S1PR3: variants seen among roughly 807,000 people sequenced by gnomAD.
S1PR3 encodes sphingosine-1-phosphate receptor 3, also known as sphingosine 1-phosphate receptor 3.
In S1PR3, 12 loss-of-function variants were observed where a neutral mutation model predicts 13.3. The observed-to-expected ratio is 0.90, with a 90% CI of 0.58 to 1.46. The LOEUF (loss-of-function observed/expected upper bound fraction) is 1.46. Ranked by LOEUF, S1PR3 falls within the 40% of genes most tolerant of loss-of-function variation. S1PR3 has a pLI of 0.00. For synonymous variants in S1PR3, 232 were observed against 214.0 expected, an observed-to-expected ratio of 1.08 and a Z score of -0.73; for missense variants, 450 against 501.9, an observed-to-expected ratio of 0.90 and a Z score of 0.99.
chr9:89,003,855 C>T lies in S1PR3; in HGVS notation c.*1518C>T, dbSNP rs1010130878. 6.0e-6 allele frequency: 1 copy of T among 166,768 alleles called. No homozygotes were observed. The highest frequency in any genetic ancestry group is 1.5e-5 in the Non-Finnish European group (1 of 68,114). The allele number at this position is 166,768 out of a possible 1,614,324, so 10.3% of individuals were successfully genotyped here. ...TAAGAGAAATTGATTCCTGTTTTGT[C>T]ATCTGATGCAATTTGCTCTTATAAA... On this transcript the variant is annotated 3_prime_UTR_variant, in exon 2 of 2. Transcript: ENST00000358157.
rs572619668 is a variant in S1PR3, at chr9:88,992,045, T to C, written c.-148+350T>C. The C allele has an allele frequency of 4.8e-5, 77 of 1,603,656 alleles. No individual in the cohort carries two copies. The African/African-American group carries it at 9.5e-4, about 20-fold the overall frequency. ...GGATGCTGGACGTGGGAGAGGGTTG[T>C]GGTCGTTAGCCTGGGAAAATCATTC... On this transcript the variant is annotated intron_variant, in intron 1 of 1. Transcript: ENST00000358157.
intron 1 of S1PR3, chr9:88,992,467 G>A: frequency 6.2e-6 from 1 of 160,440 alleles, no homozygotes; most frequent in Non-Finnish European, 1.3e-5. Context: ...CTCTTTAGAA[G>A]GTTACTTTTA....
intron 1 of S1PR3, chr9:88,993,134 C>CA (rs11398943): frequency 0.47 from 71,200 of 152,378 alleles, 17,149 homozygotes; most frequent in African/African-American, 0.59. Context: ...CTACCATATA[C>CA]AAAGGGTAGA....
chr9:89,002,118 G>A lies in S1PR3; in HGVS notation c.918G>A (p.Arg306=), dbSNP rs984389332. Residue 306 remains arginine, a synonymous_variant, in exon 2 of 2, where the codon CGG becomes CGA. Coordinates refer to ENST00000358157, the MANE Select transcript of S1PR3 (RefSeq NM_005226.4). The part of the protein sequence containing the change: ...VIYTLASKEM[R]RAFFRLVCNC... ...ACACGCTGGCCAGCAAGGAGATGCG[G>A]CGGGCCTTCTTCCGTCTGGTCTGCA... is the stretch of plus-strand genomic sequence containing the variant. 1 of 1,613,896 alleles carries A rather than the reference G, an allele frequency of 6.2e-7. No homozygotes were observed. Among genetic ancestry groups the A allele is most frequent in the East Asian group, 2.2e-5 (1 of 44,838 alleles).
Position 89,002,304 on chromosome 9 carries a change from C to A in S1PR3, c.1104C>A (p.Asn368Lys). ...CCTCATCCTGCATCATGGACAAGAA[C>A]GCAGCACTTCAGAATGGGATCTTCT... Reference protein sequence around the residue: ...TAPSSCIMDKNAALQNGIFCN With the variant: ...TAPSSCIMDKKAALQNGIFCN Residue 368 changes from asparagine (N) to lysine (K), a missense_variant, in exon 2 of 2, where the codon AAC becomes AAA. Coordinates refer to ENST00000358157, the MANE Select transcript of S1PR3 (RefSeq NM_005226.4). The A allele has an allele frequency of 6.2e-7, 1 of 1,614,088 alleles. No individual in the cohort carries two copies. Among genetic ancestry groups the A allele is most frequent in the South Asian group, 1.1e-5 (1 of 91,070 alleles).
chr9:89,001,717 A>T lies in S1PR3; in HGVS notation c.517A>T (p.Ile173Phe). Residue 173 changes from isoleucine (I) to phenylalanine (F), a missense_variant, in exon 2 of 2, where the codon ATT becomes TTT. Ile to Phe is a conservative substitution (Grantham distance 21, BLOSUM62 0). Transcript: ENST00000358157. ...TGCCTTCACGCTGGGCGCCCTGCCCATTCTGGGCTGGAACTGCCTGCACAA... is the reference window on the plus strand; with the variant it reads ...TGCCTTCACGCTGGGCGCCCTGCCCTTTCTGGGCTGGAACTGCCTGCACAA... ...LIAFTLGALPILGWNCLHNLP... is the reference protein window; with the variant it reads ...LIAFTLGALPFLGWNCLHNLP... 1 of 1,614,190 alleles carries T rather than the reference A, an allele frequency of 6.2e-7. No homozygotes were observed. The highest frequency in any genetic ancestry group is 2.2e-5 in the East Asian group (1 of 44,858).
chr9:88,992,286 C>T, intron 1 of S1PR3: 1 of 449,992 alleles, frequency 2.2e-6, no homozygotes, highest in Non-Finnish European at 4.0e-6. Flanking sequence ...CTCTCTCTCT[C>T]TCTCTCTCTC....
intron 1 of S1PR3, chr9:88,995,856 G>C (rs373763104): frequency 1.8e-5 from 3 of 167,116 alleles, no homozygotes; most frequent in Admixed American, 6.5e-5. Context: ...AGGATGTGCC[G>C]TGGAGGTGGG....
rs867180386 is a variant in S1PR3, at chr9:88,991,857, C to G, written c.-148+162C>G. 1.9e-6 allele frequency: 3 copies of G among 1,614,066 alleles called. No homozygotes were observed. The highest frequency in any genetic ancestry group is 3.3e-4 in the Middle Eastern group (2 of 6,062). The stretch of plus-strand genomic sequence containing the variant: ...CATCAGCACCCCTCCCCCAGAGCCG[C>G]TGCAGGAACAGGGAGGAGGCCTTTT... On this transcript the variant is annotated intron_variant, in intron 1 of 1. Coordinates refer to ENST00000358157, the MANE Select transcript of S1PR3 (RefSeq NM_005226.4). This position sits in a 1 kb window ranked among gnomAD's most constrained non-coding sequence, Gnocchi z 4.0.
At chr9:88,991,109 C>T, upstream of S1PR3, 1 of 1,613,124 alleles carries the variant, frequency 6.2e-7, no homozygotes, top group Non-Finnish European at 8.5e-7. The surrounding 1 kb of genome is among the most constrained non-coding windows in gnomAD (Gnocchi z 4.0). Context: ...AGACCTCGGA[C>T]CTGGTTCCAA....
intron 1 of S1PR3, chr9:88,998,479 A>G (rs2118597711): frequency 6.6e-6 from 1 of 152,580 alleles, no homozygotes; most frequent in South Asian, 2.1e-4. Context: ...CCATCCCAAA[A>G]ACAAAACAAA....
At position 89,001,383 on chromosome 9, in the gene S1PR3, G is replaced by C; in HGVS notation, c.183G>C (p.Leu61Phe). The C allele has an allele frequency of 1.2e-6, 2 of 1,614,176 alleles. No individual in the cohort carries two copies. Residue 61 changes from leucine to phenylalanine, a missense_variant, in exon 2 of 2, where the codon TTG (leucine) becomes TTC (phenylalanine). Physicochemically the swap from Leu to Phe is conservative, Grantham distance 22 (BLOSUM62 0). Coordinates refer to ENST00000358157, the MANE Select transcript of S1PR3 (RefSeq NM_005226.4). ...TCGTCTTGGAGAACCTGATGGTTTTGATTGCCATCTGGAAAAACAATAAAT... is the reference window on the plus strand; with the variant it reads ...TCGTCTTGGAGAACCTGATGGTTTTCATTGCCATCTGGAAAAACAATAAAT... ...SFIVLENLMV[L>F]IAIWKNNKFH...
At position 89,001,484 on chromosome 9, in the gene S1PR3, A is replaced by G. The variant is rs868073895; in HGVS notation, c.284A>G (p.Asn95Ser). The change falls in exon 2 of 2, where the codon AAC becomes AGC. Residue 95 changes from asparagine (N) to serine (S), a missense_variant. By Grantham distance (46) the Asn-to-Ser change is conservative. Transcript: ENST00000358157. ...DLLAGIAYKV[N>S]ILMSGKKTFS... ...CTGGCCGGCATCGCTTACAAGGTCA[A>G]CATTCTGATGTCTGGCAAGAAGACG... 6.2e-7 allele frequency: 1 copy of G among 1,614,230 alleles called. No individual in the cohort carries two copies. The highest frequency in any genetic ancestry group is 8.5e-7 in the Non-Finnish European group (1 of 1,180,042).
Position 88,997,943 on chromosome 9 carries a change from G to A in S1PR3, c.-147-3111G>A, listed in dbSNP as rs190271504. On this transcript the variant is annotated intron_variant, in intron 1 of 1. Coordinates refer to ENST00000358157, the MANE Select transcript of S1PR3 (RefSeq NM_005226.4). The stretch of plus-strand genomic sequence containing the variant: ...TTTCCATGAGCATGAGTGGCTGTTC[G>A]TGTGGGAAACGGCAGAGCCCTCGCG... 287 of 152,388 alleles carry A rather than the reference G, an allele frequency of 1.9e-3. 3 individuals carry two copies. Among genetic ancestry groups the A allele is most frequent in the African/African-American group, 6.8e-3 (281 of 41,560 alleles). The allele number at this position is 152,388 out of a possible 1,614,324, so 9.4% of individuals were successfully genotyped here.
At chr9:88,994,051 G>A (rs1587664296) in intron 1 of S1PR3, 1 of 167,086 alleles carries the variant, frequency 6.0e-6, no homozygotes, top group South Asian at 2.1e-4. Context: ...CTGCTGGCAT[G>A]GGAGCATGAG....
chr9:88,996,032 T>A (rs903164499), intron 1 of S1PR3: 3 of 167,096 alleles, frequency 1.8e-5, no homozygotes, highest in Middle Eastern at 3.1e-3. Flanking sequence ...TGTCTCAGCA[T>A]CTGGCTTTAT....
rs2118606890 is a variant in S1PR3, at chr9:89,002,711, T to C, written c.*374T>C. Reference sequence around the variant, plus strand: ...TTTGATGATTTTACACTACATTTCCTGTGCGTAGAATGGATGCTTGTATAT... The same window carrying C: ...TTTGATGATTTTACACTACATTTCCCGTGCGTAGAATGGATGCTTGTATAT... On this transcript the variant is annotated 3_prime_UTR_variant, in exon 2 of 2. Transcript: ENST00000358157. 2 of 281,844 alleles carry C rather than the reference T, an allele frequency of 7.1e-6. No homozygotes were observed. 17.5% of individuals were successfully genotyped at this position (281,844 alleles called of 1,614,324 possible).
Position 89,001,720 on chromosome 9 carries a change from C to T in S1PR3, c.520C>T (p.Leu174=), listed in dbSNP as rs772617085. The T allele has an allele frequency of 1.1e-5, 18 of 1,614,108 alleles. No individual in the cohort carries two copies. The Admixed American group carries it at 2.8e-4, about 25-fold the overall frequency. ...CTTCACGCTGGGCGCCCTGCCCATT[C>T]TGGGCTGGAACTGCCTGCACAATCT... ...IAFTLGALPI[L]GWNCLHNLPD... The change falls in exon 2 of 2, where the codon CTG becomes TTG. Residue 174 remains leucine (L), a synonymous_variant. Transcript: ENST00000358157.
intron 1 of S1PR3, chr9:88,997,187 A>C (rs146269593): frequency 6.6e-6 from 1 of 152,348 alleles, no homozygotes; most frequent in African/African-American, 2.4e-5. Context: ...ATTTAATTAT[A>C]AGGGAAATGA....
Sources: gnomAD v4.1 joint callset for allele counts on GRCh38, gnomAD v4.1.1 for gene constraint, Gnocchi (gnomAD v3.1) non-coding constraint, MANE v1.5 for transcripts, NCBI Gene and HGNC (gene_info 2026-07-23, HGNC 2026-07-21) for gene names.